Variants in ENPP2 observed in about 807,000 individuals in gnomAD.
The protein encoded by ENPP2 is ectonucleotide pyrophosphatase/phosphodiesterase 2, also known as autotaxin.
In ENPP2, 51 loss-of-function variants were observed where a neutral mutation model predicts 120.2. That is an observed-to-expected ratio of 0.42 (90% CI 0.34 to 0.54). The LOEUF is 0.54. Ranked by LOEUF, ENPP2 falls within the 20% of genes least tolerant of loss-of-function variation. ENPP2 has a pLI of 0.04. For synonymous variants in ENPP2, 365 were observed against 366.4 expected (o/e 1.00, Z 0.04); for missense variants, 920 against 1,066.5 (o/e 0.86, Z 1.91).
chr8:119,597,480 T>C (rs190870424), intron 11 of ENPP2, among the ~76,000 whole-genome samples: 29 of 152,282 alleles, frequency 1.9e-4, no homozygotes, highest in Admixed American at 1.0e-3. Context: ...CTTCAAATGT[T>C]AGAGGTACAT....
intron 1 of ENPP2, among the ~76,000 whole-genome samples, chr8:119,650,336 T>C (rs1211354741): frequency 1.3e-5 from 2 of 152,146 alleles, no homozygotes; most frequent in African/African-American, 4.8e-5. Flanking sequence ...TGATGGGGTA[T>C]TGACCGATAT....
chr8:119,563,582 A>G (rs1814147642), intron 23 of ENPP2, among the ~76,000 whole-genome samples: 1 of 152,228 alleles, frequency 6.6e-6, no homozygotes, highest in Non-Finnish European at 1.5e-5. Flanking sequence ...TGCCAAAGGA[A>G]GTACTAAGGA....
Position 119,582,380 on chromosome 8 carries a change from A to G in ENPP2, c.1728+38T>C, listed in dbSNP as rs1466694495. On this transcript the variant is annotated intron_variant, in intron 18 of 24. Coordinates refer to ENST00000075322, the MANE Select transcript of ENPP2 (RefSeq NM_001040092.3). ...ATGGGCCAGCACTGTTAGCCACCCA[A>G]CAAACTTCTCCATAATAAACATAAA... The G allele has an allele frequency of 7.7e-6, 12 of 1,557,286 alleles. No individual in the cohort carries two copies. In the South Asian group the frequency reaches 1.2e-4, roughly 16 times the overall value.
intron 1 of ENPP2, among the ~76,000 whole-genome samples, chr8:119,647,364 G>T (rs185347474): frequency 1.0e-3 from 157 of 152,134 alleles, no homozygotes; most frequent in Non-Finnish European, 1.6e-3. Flanking sequence ...AATTATCCTT[G>T]CACTACACAG....
intron 2 of ENPP2, among the ~76,000 whole-genome samples, chr8:119,637,045 A>G (rs996793281): frequency 6.6e-5 from 10 of 152,140 alleles, no homozygotes; most frequent in African/African-American, 2.4e-4. Flanking sequence ...ATATATTAAG[A>G]GGAAACAGAA....
intron 9 of ENPP2, among the ~76,000 whole-genome samples, chr8:119,606,479 G>A (rs79157928): frequency 0.015 from 2,284 of 152,086 alleles, 39 homozygotes; most frequent in African/African-American, 0.043. Flanking sequence ...TTCTATGAGC[G>A]TCTATGACAG....
intron 24 of ENPP2, 124 bp downstream of exon 24, chr8:119,562,733 C>T: frequency 9.9e-7 from 1 of 1,007,150 alleles, no homozygotes; most frequent in Non-Finnish European, 1.4e-6. Flanking sequence ...TGGTTCCTTT[C>T]TTTTTTCTGT....
At chr8:119,637,063 G>T (rs562510429) in intron 2 of ENPP2, among the ~76,000 whole-genome samples, 1 of 152,164 alleles carries the variant, frequency 6.6e-6, no homozygotes, top group South Asian at 2.1e-4. Context: ...GAAAAAAAAA[G>T]TTCCCTTTAG....
intron 1 of ENPP2, chr8:119,673,175 TTCTGCTTGACAGAA>T: frequency 7.6e-7 from 1 of 1,316,106 alleles, no homozygotes; most frequent in East Asian, 2.5e-5. Context: ...TGCAAGGTTT[TTCTGCTTGACAGAA>T]TGGCAGCTGT....
In ENPP2 at chr8:119,593,847, A is replaced by T; in HGVS notation, c.986T>A (p.Leu329Gln). 6.2e-7 allele frequency: 1 copy of T among 1,606,210 alleles called. No homozygotes were observed. The highest frequency in any genetic ancestry group is 8.5e-7 in the Non-Finnish European group (1 of 1,172,786). ...GPFGPEMTNP[L>Q]REIDKIVGQL... ...CCCCACAATTTTGTCGATTTCCCTC[A>T]GAGGATTTGTCATCTAGGAAAAAGA... The change falls in exon 12 of 25, where the codon CTG (leucine) becomes CAG (glutamine). Residue 329 changes from leucine (L) to glutamine (Q), a missense_variant. Physicochemically the swap from Leu to Gln is moderately radical, Grantham distance 113. Coordinates refer to ENST00000075322, the MANE Select transcript of ENPP2 (RefSeq NM_001040092.3).
chr8:119,618,615 A>G (rs994627770), intron 5 of ENPP2: 10 of 246,166 alleles, frequency 4.1e-5, no homozygotes, highest in South Asian at 9.2e-5. Flanking sequence ...TCTGGGCTCA[A>G]TGCAACCTCT....
At chr8:119,579,564 ATT>A in intron 19 of ENPP2, among the ~76,000 whole-genome samples, 1 of 148,586 alleles carries the variant, frequency 6.7e-6, no homozygotes, top group African/African-American at 2.5e-5. Context: ...CAAATCACTA[ATT>A]TTTTTTTTTT....
intron 12 of ENPP2, chr8:119,592,846 T>C (rs1813627337): frequency 7.1e-6 from 1 of 140,854 alleles, no homozygotes; most frequent in African/African-American, 3.0e-5. Flanking sequence ...TTTTTTTTTT[T>C]TTTTTTTCTA....
chr8:119,662,388 C>A (rs994396768), intron 1 of ENPP2, among the ~76,000 whole-genome samples: 3 of 151,912 alleles, frequency 2.0e-5, no homozygotes, highest in Non-Finnish European at 4.4e-5. Flanking sequence ...AGAATCTAGA[C>A]CAATGGGTCT....
intron 1 of ENPP2, among the ~76,000 whole-genome samples, chr8:119,647,425 A>G (rs76219989): frequency 0.021 from 3,156 of 152,290 alleles, 111 homozygotes; most frequent in African/African-American, 0.071. Flanking sequence ...ATATTTCCCA[A>G]GTGAACTACT....
At chr8:119,634,081 G>A (rs143836104) in intron 2 of ENPP2, among the ~76,000 whole-genome samples, 1 of 152,218 alleles carries the variant, frequency 6.6e-6, no homozygotes, top group African/African-American at 2.4e-5. Context: ...TACTCGGGAG[G>A]CTGAGGCAGG....
At chr8:119,557,838 C>T in intron 24 of ENPP2, 147 bp from the exon 25 acceptor site, 1 of 573,652 alleles carries the variant, frequency 1.7e-6, no homozygotes, top group Non-Finnish European at 2.9e-6. Context: ...CTCCCTGCCA[C>T]TCTACCGCAT....
intron 11 of ENPP2, 141 bp from the exon 12 acceptor site, chr8:119,594,001 C>T: frequency 1.5e-6 from 1 of 659,782 alleles, no homozygotes; most frequent in South Asian, 1.8e-5. Flanking sequence ...GATTTGCCTG[C>T]CATTCTTAAT....
At chr8:119,585,955 CACACACAG>C (rs1044579182) in intron 15 of ENPP2, among the ~76,000 whole-genome samples, 2 of 151,774 alleles carry the variant, frequency 1.3e-5, no homozygotes, top group African/African-American at 4.9e-5. Flanking sequence ...CACACACACA[CACACACAG>C]ATGCACTGAC....
Sources: allele counts gnomAD v4.1 joint callset (sites outside exome capture counted in the v4.1 genomes callset), GRCh38; gene constraint gnomAD v4.1.1; transcripts MANE v1.5; gene names NCBI Gene and HGNC (gene_info 2026-07-23, HGNC 2026-07-21).